The following ZNF586 variants were observed in gnomAD, a reference collection of about 807,000 sequenced individuals.
ZNF586 encodes the protein zinc finger protein 586.
ZNF586 carries 7 observed loss-of-function variants against 6.7 expected under a neutral mutation model. That is an observed-to-expected ratio of 1.04 (90% CI 0.59 to 1.95). ZNF586 has a LOEUF of 1.95. Ranked by LOEUF, ZNF586 falls within the 30% of genes most tolerant of loss-of-function variation. ZNF586 has a pLI of 0.00. For synonymous variants in ZNF586, 166 were observed against 168.7 expected (o/e 0.98, Z 0.12); for missense variants, 442 against 489.6 (o/e 0.90, Z 0.92).
chr19:57,775,600 CTT>C (rs563657252), intron 1 of ZNF586, among the ~76,000 whole-genome samples: 28 of 122,744 alleles, frequency 2.3e-4, no homozygotes, highest in South Asian at 2.5e-4. Flanking sequence ...CCTGGTTGCT[CTT>C]TTTTTTTTTT....
chr19:57,775,938 C>A (rs766035813), intron 1 of ZNF586, among the ~76,000 whole-genome samples: 2 of 152,226 alleles, frequency 1.3e-5, no homozygotes, highest in East Asian at 1.9e-4. Flanking sequence ...CCATGTGGCT[C>A]TCTGTGGTGA....
chr19:57,775,939 T>C (rs1987226158), intron 1 of ZNF586, among the ~76,000 whole-genome samples: 1 of 152,226 alleles, frequency 6.6e-6, no homozygotes, highest in African/African-American at 2.4e-5. Flanking sequence ...CATGTGGCTC[T>C]CTGTGGTGAG....
chr19:57,769,685 G>A lies in ZNF586; in HGVS notation c.-158G>A. 2.6e-6 allele frequency: 2 copies of A among 777,372 alleles called. No individual in the cohort carries two copies. Among genetic ancestry groups the A allele is most frequent in the Non-Finnish European group, 4.2e-6 (2 of 477,724 alleles). 48.2% of individuals were successfully genotyped at this position (777,372 alleles called of 1,614,324 possible). A position where few individuals can be genotyped will look rare whatever the true frequency, so the allele number is the denominator to read the frequency against. ...CGTGGCAGCCATTTTGGCCTGTCAG[G>A]TCCATCCGGCGATGCTGGGTCTGGA... On this transcript the variant is annotated 5_prime_UTR_variant, in exon 1 of 3. Coordinates refer to ENST00000396154, the MANE Select transcript of ZNF586 (RefSeq NM_017652.4).
chr19:57,769,903 TACCCACCC>T, intron 1 of ZNF586, 25 bp downstream of exon 1: 22 of 1,475,654 alleles, frequency 1.5e-5, no homozygotes, highest in Non-Finnish European at 2.0e-5. Context: ...CTCCGGGCCT[TACCCACCC>T]TACCCACCCA....
intron 2 of ZNF586, among the ~76,000 whole-genome samples, chr19:57,778,344 G>A (rs553574881): frequency 6.6e-6 from 1 of 152,190 alleles, no homozygotes; most frequent in East Asian, 1.9e-4. Context: ...CAAAGTGCTG[G>A]GATTAGAGGC....
intron 2 of ZNF586, among the ~76,000 whole-genome samples, chr19:57,777,746 C>CTTTT (rs34718874): frequency 1.3e-4 from 7 of 54,480 alleles, no homozygotes; most frequent in African/African-American, 3.2e-4. Flanking sequence ...TATACCCATT[C>CTTTT]TTTTTTTTTT....
chr19:57,772,956 A>G (rs1027653369), intron 1 of ZNF586, among the ~76,000 whole-genome samples: 1 of 152,122 alleles, frequency 6.6e-6, no homozygotes, highest in African/African-American at 2.4e-5. Flanking sequence ...GAAGTTATCT[A>G]GGGGTTTCCA....
At position 57,779,201 on chromosome 19, in the gene ZNF586, G is replaced by A. The variant is rs202086042; in HGVS notation, c.614G>A (p.Arg205His). The A allele has an allele frequency of 1.2e-3, 1,993 of 1,613,768 alleles. 4 individuals carry two copies. Among genetic ancestry groups the A allele is most frequent in the Non-Finnish European group, 1.6e-3 (1,831 of 1,179,996 alleles). Reference sequence around the variant, plus strand: ...AGGAAAGTTCACTCTGGAGCAAAGCGTTATGAATGCAATGAATGTGGGAAG... The same window carrying A: ...AGGAAAGTTCACTCTGGAGCAAAGCATTATGAATGCAATGAATGTGGGAAG... ...NHRKVHSGAK[R>H]YECNECGKSF... Residue 205 changes from arginine (R) to histidine (H), a missense_variant, in exon 3 of 3, where the codon CGT (arginine) becomes CAT (histidine). Transcript: ENST00000396154.
intron 1 of ZNF586, among the ~76,000 whole-genome samples, chr19:57,771,178 G>A (rs1316839746): frequency 2.6e-5 from 4 of 151,944 alleles, no homozygotes; most frequent in Non-Finnish European, 4.4e-5. Context: ...GCACACACCT[G>A]TAGTCCCAAC....
intron 1 of ZNF586, among the ~76,000 whole-genome samples, chr19:57,775,184 A>G (rs577285379): frequency 6.6e-6 from 1 of 152,090 alleles, no homozygotes; most frequent in South Asian, 2.1e-4. Flanking sequence ...TTTAGTAGAG[A>G]CGGGGTTTCA....
At chr19:57,770,220 G>C (rs1219061889) in intron 1 of ZNF586, among the ~76,000 whole-genome samples, 1 of 147,714 alleles carries the variant, frequency 6.8e-6, no homozygotes, top group Non-Finnish European at 1.5e-5. Context: ...GCAGTGGCGC[G>C]ATCTCGGCTC....
intron 1 of ZNF586, among the ~76,000 whole-genome samples, chr19:57,775,381 G>T (rs181875633): frequency 7.2e-4 from 110 of 152,226 alleles, no homozygotes; most frequent in African/African-American, 2.6e-3. Context: ...TGTGGTCCCA[G>T]CTACTCAGGA....
At chr19:57,774,915 G>A (rs1362909807) in intron 1 of ZNF586, 2 of 182,208 alleles carry the variant, frequency 1.1e-5, no homozygotes, top group Admixed American at 6.5e-5. Flanking sequence ...GGGATAATGT[G>A]TCCTAGCTTA....
chr19:57,775,372 G>A (rs1987210082), intron 1 of ZNF586, among the ~76,000 whole-genome samples: 1 of 152,100 alleles, frequency 6.6e-6, no homozygotes, highest in East Asian at 1.9e-4. Context: ...TCGCACACCT[G>A]TGGTCCCAGC....
chr19:57,774,871 C>A, intron 1 of ZNF586: 2 of 456,022 alleles, frequency 4.4e-6, no homozygotes, highest in Non-Finnish European at 5.8e-6. Context: ...CTCACATGGT[C>A]TGAGTGCAAA....
chr19:57,774,334 C>A (rs566453163), intron 1 of ZNF586, among the ~76,000 whole-genome samples: 39 of 151,310 alleles, frequency 2.6e-4, no homozygotes, highest in Non-Finnish European at 4.1e-4. Context: ...ACCAGCCTGA[C>A]CAACATGGAG....
intron 2 of ZNF586, 122 bp from the exon 3 acceptor site, chr19:57,778,629 C>G: frequency 1.1e-6 from 1 of 891,976 alleles, no homozygotes; most frequent in Non-Finnish European, 1.7e-6. Flanking sequence ...AACCTGAACC[C>G]AACTCCCTGT....
chr19:57,778,544 G>A (rs1200087183), intron 2 of ZNF586, among the ~76,000 whole-genome samples: 2 of 152,116 alleles, frequency 1.3e-5, no homozygotes, highest in African/African-American at 4.8e-5. Context: ...TATTCTGTCT[G>A]TTGACTCATT....
At chr19:57,775,918 A>G (rs1987225410) in intron 1 of ZNF586, among the ~76,000 whole-genome samples, 1 of 152,088 alleles carries the variant, frequency 6.6e-6, no homozygotes, top group Admixed American at 6.5e-5. Context: ...TCTTATGCAT[A>G]GTGCAACCCC....
Sources: allele counts gnomAD v4.1 joint callset (sites outside exome capture counted in the v4.1 genomes callset), GRCh38; gene constraint gnomAD v4.1.1; transcripts MANE v1.5; gene names NCBI Gene and HGNC (gene_info 2026-07-23, HGNC 2026-07-21).